ADGRB3: variants seen among roughly 807,000 people sequenced by gnomAD.
The protein encoded by ADGRB3 is adhesion G protein-coupled receptor B3.
In ADGRB3, 37 loss-of-function variants were observed where a neutral mutation model predicts 193.4. The observed-to-expected ratio is 0.19, with a 90% confidence interval of 0.15 to 0.25. The LOEUF (loss-of-function observed/expected upper bound fraction) is 0.25, where lower values mean the gene tolerates loss of function less well. Ranked by LOEUF, ADGRB3 falls within the 10% of genes least tolerant of loss-of-function variation. The pLI is 1.00. For synonymous variants in ADGRB3, 690 were observed against 644.2 expected, an observed-to-expected ratio of 1.07 and a Z score of -1.08; for missense variants, 1,637 against 1,852.9, an observed-to-expected ratio of 0.88 and a Z score of 2.14.
At chr6:68,708,099 T>A (rs1765355113) in intron 3 of ADGRB3, among the ~76,000 whole-genome samples, 1 of 152,166 alleles carries the variant, frequency 6.6e-6, no homozygotes, top group Admixed American at 6.5e-5. Context: ...ACACTTAGGG[T>A]CCATGAAATT....
intron 20 of ADGRB3, among the ~76,000 whole-genome samples, chr6:69,311,085 A>G (rs557464682): frequency 6.7e-4 from 101 of 151,858 alleles, no homozygotes; most frequent in African/African-American, 2.3e-3. Context: ...ACGTATCTTC[A>G]ATCTTGCTTC....
intron 29 of ADGRB3, among the ~76,000 whole-genome samples, chr6:69,362,930 T>C (rs897588007): frequency 6.6e-6 from 1 of 152,018 alleles, no homozygotes; most frequent in Admixed American, 6.6e-5. Context: ...TATAATAACA[T>C]AACATTATAA....
At chr6:68,714,813 G>C (rs1765463450) in intron 3 of ADGRB3, among the ~76,000 whole-genome samples, 1 of 151,682 alleles carries the variant, frequency 6.6e-6, no homozygotes, top group Non-Finnish European at 1.5e-5. Flanking sequence ...ATTACATCTG[G>C]AATTCCTTTT....
chr6:68,910,350 G>A (rs1221115610), intron 3 of ADGRB3, among the ~76,000 whole-genome samples: 1 of 152,158 alleles, frequency 6.6e-6, no homozygotes, highest in African/African-American at 2.4e-5. Flanking sequence ...CTCCCATTCT[G>A]TAGGTTGCCT....
At chr6:68,778,571 T>G (rs528641905) in intron 3 of ADGRB3, among the ~76,000 whole-genome samples, 1 of 152,266 alleles carries the variant, frequency 6.6e-6, no homozygotes, top group Non-Finnish European at 1.5e-5. Flanking sequence ...CACAGACTTG[T>G]TAGTCATCGG....
At chr6:68,846,922 C>A (rs1228455686) in intron 3 of ADGRB3, among the ~76,000 whole-genome samples, 1 of 152,156 alleles carries the variant, frequency 6.6e-6, no homozygotes, top group Non-Finnish European at 1.5e-5. Flanking sequence ...AAGCCACAGA[C>A]ACTCAATGCC....
chr6:69,231,454 A>G (rs961261280), intron 17 of ADGRB3, among the ~76,000 whole-genome samples: 6 of 152,246 alleles, frequency 3.9e-5, no homozygotes, highest in African/African-American at 1.4e-4. Context: ...CAGTATGAAT[A>G]ATGCAGATGT....
chr6:69,014,081 A>C lies in ADGRB3; in HGVS notation c.1973A>C (p.Lys658Thr). 1 of 1,605,826 alleles carries C rather than the reference A, an allele frequency of 6.2e-7. No homozygotes were observed. Among genetic ancestry groups the C allele is most frequent in the Non-Finnish European group, 8.5e-7 (1 of 1,174,900 alleles). Residue 658 changes from lysine (K) to threonine (T), a missense_variant, in exon 12 of 32, where the codon AAG (lysine) becomes ACG (threonine). Transcript: ENST00000370598. ...AGCAACCTTCTAGATGAAGAAAACA[A>C]GGAAAAATGGGAAGATGCACAACAG... ...IVSNLLDEEN[K>T]EKWEDAQQIY...
chr6:68,800,538 T>A (rs1320664298), intron 3 of ADGRB3, among the ~76,000 whole-genome samples: 1 of 152,000 alleles, frequency 6.6e-6, no homozygotes, highest in African/African-American at 2.4e-5. Context: ...GAAGGTATAC[T>A]ACAAAAATAT....
At chr6:68,922,381 T>A (rs1291361686) in intron 3 of ADGRB3, among the ~76,000 whole-genome samples, 1 of 152,212 alleles carries the variant, frequency 6.6e-6, no homozygotes, top group East Asian at 1.9e-4. Context: ...AATCTGAGAT[T>A]TCACATGCAA....
At chr6:68,719,854 T>C (rs559388405) in intron 3 of ADGRB3, among the ~76,000 whole-genome samples, 5 of 151,624 alleles carry the variant, frequency 3.3e-5, no homozygotes, top group African/African-American at 9.7e-5. Flanking sequence ...ACATAGAAAT[T>C]CTATGTGTGA....
At chr6:68,766,028 C>T (rs994070424) in intron 3 of ADGRB3, among the ~76,000 whole-genome samples, 1 of 151,848 alleles carries the variant, frequency 6.6e-6, no homozygotes, top group Non-Finnish European at 1.5e-5. Flanking sequence ...ATATTCATTT[C>T]ACATTTTTCG....
At chr6:69,260,492 G>C (rs1051529553) in intron 20 of ADGRB3, among the ~76,000 whole-genome samples, 2 of 152,058 alleles carry the variant, frequency 1.3e-5, no homozygotes, top group Non-Finnish European at 1.5e-5. Flanking sequence ...AGTCAACTTG[G>C]CATAGCAAAA....
intron 3 of ADGRB3, among the ~76,000 whole-genome samples, chr6:68,857,050 G>C (rs932299996): frequency 5.3e-5 from 8 of 152,322 alleles, no homozygotes; most frequent in African/African-American, 1.9e-4. Flanking sequence ...GCCTGCAAGG[G>C]CACAGAAGTC....
chr6:69,366,578 T>C (rs970724271), intron 29 of ADGRB3, among the ~76,000 whole-genome samples: 1 of 152,146 alleles, frequency 6.6e-6, no homozygotes, highest in Non-Finnish European at 1.5e-5. Flanking sequence ...AGCTTCATAC[T>C]GTTGTACATT....
At chr6:68,919,204 A>C (rs1303331673) in intron 3 of ADGRB3, among the ~76,000 whole-genome samples, 3 of 152,096 alleles carry the variant, frequency 2.0e-5, no homozygotes, top group Non-Finnish European at 4.4e-5. Flanking sequence ...TATATAACCA[A>C]ATGGGTTCAG....
chr6:68,649,624 A>C (rs2249399), intron 3 of ADGRB3, among the ~76,000 whole-genome samples: 3,138 of 152,290 alleles, frequency 0.021, 109 homozygotes, highest in African/African-American at 0.069. Context: ...TTTCAACTTC[A>C]GAGTCTGTAT....
intron 3 of ADGRB3, among the ~76,000 whole-genome samples, chr6:68,847,719 CATAAAAACGGACTA>C (rs1768308766): frequency 6.6e-6 from 1 of 152,056 alleles, no homozygotes; most frequent in South Asian, 2.1e-4. Flanking sequence ...TTATCAGCGG[CATAAAAACGGACTA>C]ATACACTGTT....
chr6:69,294,578 T>C (rs1379862837), intron 20 of ADGRB3, among the ~76,000 whole-genome samples: 2 of 152,128 alleles, frequency 1.3e-5, no homozygotes, highest in Non-Finnish European at 2.9e-5. Context: ...CATTGAATCT[T>C]TTTCACGTGT....
Sources: allele counts gnomAD v4.1 joint callset (sites outside exome capture counted in the v4.1 genomes callset), GRCh38; gene constraint gnomAD v4.1.1; transcripts MANE v1.5; gene names NCBI Gene and HGNC (gene_info 2026-07-23, HGNC 2026-07-21).